APTX: variants seen among roughly 807,000 people sequenced by gnomAD.
APTX encodes the protein aprataxin, also known as forkhead-associated domain histidine triad-like protein.
In APTX, 33 loss-of-function variants were observed where a neutral mutation model predicts 42.3. The observed-to-expected ratio is 0.78, with a 90% confidence interval of 0.59 to 1.04. The LOEUF is 1.04. APTX is among the 50% of genes least tolerant of loss of function. The probability of loss-of-function intolerance (pLI) is 0.00; values close to 1 mark genes in which losing one functional copy is unlikely to be tolerated. For missense variants in APTX, 421 were observed against 415.1 expected (o/e 1.01, Z -0.12); for synonymous variants, 130 against 146.7 (o/e 0.89, Z 0.82).
rs570351758 is a variant in APTX, at chr9:33,022,383, A to G, written c.-5+2640T>C. 9.9e-4 allele frequency among the ~76,000 whole-genome samples: 151 copies of G among 152,368 alleles called. 1 individual carries two copies. Among genetic ancestry groups the G allele is most frequent in the African/African-American group, 3.4e-3 (142 of 41,590 alleles). Reference sequence around the variant, plus strand: ...ATCACTTTTTATCTCCAAGCTTAGCAAAGATTTAACAACAAAAGGCCCTCA... The same window carrying G: ...ATCACTTTTTATCTCCAAGCTTAGCGAAGATTTAACAACAAAAGGCCCTCA... On this transcript the variant is annotated intron_variant, in intron 1 of 6. Coordinates refer to the APTX transcript ENST00000436040.
chr9:32,994,469 C>T (rs117357670), intron 1 of APTX, among the ~76,000 whole-genome samples: 2,839 of 152,268 alleles, frequency 0.019, 52 homozygotes, highest in Non-Finnish European at 0.027. Flanking sequence ...CCTCTCTCTC[C>T]TCTCTTCCCC....
chr9:32,985,985 CCTG>C lies in APTX; in HGVS notation c.526_528del (p.Gln176del). On this transcript the variant is annotated inframe_deletion, in exon 5 of 8. Coordinates refer to ENST00000379817, the MANE Select transcript of APTX (RefSeq NM_001195248.2). The stretch of plus-strand genomic sequence containing the variant: ...TGTATTCTGACCTGCATTTTGGGGT[CCTG>C]CATAGAAATCTTCAAGCCTTGACTC... 1 of 1,603,644 alleles carries C rather than the reference CCTG, an allele frequency of 6.2e-7. No homozygotes were observed.
upstream of APTX, among the ~76,000 whole-genome samples, chr9:33,006,474 C>A (rs562651897): frequency 1.5e-4 from 23 of 152,204 alleles, no homozygotes; most frequent in African/African-American, 5.5e-4. Flanking sequence ...GAGACTCCTG[C>A]TCTAAGGGAA....
chr9:32,988,230 G>A, intron 2 of APTX, 101 bp from the exon 3 acceptor site: 1 of 1,062,098 alleles, frequency 9.4e-7, no homozygotes, highest in Non-Finnish European at 1.5e-6. Flanking sequence ...GGCGGCAGCT[G>A]AACAGGTGGT....
intron 1 of APTX, among the ~76,000 whole-genome samples, chr9:32,994,758 G>C (rs1834431214): frequency 1.3e-5 from 2 of 152,282 alleles, no homozygotes; most frequent in South Asian, 2.1e-4. Context: ...TGCCATCTAG[G>C]ACTTTCACAG....
At chr9:33,019,474 T>C (rs1838185492) in intron 1 of APTX, among the ~76,000 whole-genome samples, 1 of 152,112 alleles carries the variant, frequency 6.6e-6, no homozygotes, top group South Asian at 2.1e-4. Context: ...CCGATAAAAA[T>C]TTTTCTTTTT....
rs762450848 is a variant in APTX, at chr9:32,986,004, G to T, written c.510C>A (p.Gly170=). The T allele has an allele frequency of 3.2e-6, 5 of 1,561,636 alleles. No homozygotes were observed. ...KKESLGHWSQ[G]LKISMQDPKM... ...TGGGGTCCTGCATAGAAATCTTCAA[G>T]CCTTGACTCCAGTGGCCCAGGGATT... The change falls in exon 5 of 8, where the codon GGC becomes GGA. Residue 170 remains glycine, a synonymous_variant. Transcript: ENST00000379817.
rs1828552847 is a variant in APTX at position 32,973,570 on chromosome 9, ACAACGAAGGGGCAGCTT to A, written c.940_956del (p.Lys314SerfsTer2). ...AAGGCAGCAGCTGCTGGCACTCATGACAACGAAGGGGCAGCTTCAAGAGCTCAGGCATCCCATCTCGG... is the reference window on the plus strand; with the variant it reads ...AAGGCAGCAGCTGCTGGCACTCATGACAAGAGCTCAGGCATCCCATCTCGG... On this transcript the variant is annotated frameshift_variant, in exon 8 of 8. Transcript: ENST00000379817. LOFTEE classifies it high-confidence loss of function. 1.9e-6 allele frequency: 3 copies of A among 1,613,926 alleles called. No individual in the cohort carries two copies. The highest frequency in any genetic ancestry group is 2.5e-6 in the Non-Finnish European group (3 of 1,180,020).
At chr9:32,974,652 A>G in intron 6 of APTX, 91 bp from the exon 7 acceptor site, 1 of 724,466 alleles carries the variant, frequency 1.4e-6, no homozygotes, top group Non-Finnish European at 2.5e-6. Flanking sequence ...TTGTATATTC[A>G]TACTATTGAA....
chr9:33,018,729 AT>A, intron 1 of APTX, among the ~76,000 whole-genome samples: 1 of 151,242 alleles, frequency 6.6e-6, no homozygotes, highest in East Asian at 2.0e-4. Context: ...AATACAAAAA[AT>A]TAGCCAGGCG....
At chr9:33,018,402 T>C (rs1838078406) in intron 1 of APTX, among the ~76,000 whole-genome samples, 1 of 151,216 alleles carries the variant, frequency 6.6e-6, no homozygotes, top group Non-Finnish European at 1.5e-5. Flanking sequence ...ACCCCGTCTC[T>C]ACTAAAAATA....
At chr9:33,005,882 C>T (rs1293208162), upstream of APTX, among the ~76,000 whole-genome samples, 1 of 152,172 alleles carries the variant, frequency 6.6e-6, no homozygotes, top group Non-Finnish European at 1.5e-5. Flanking sequence ...ATCATTTAAT[C>T]ATTTATGCAA....
In APTX at chr9:32,972,665, C is replaced by T. The variant is rs2118157662; in HGVS notation, c.*833G>A. 2.3e-6 allele frequency: 1 copy of T among 434,416 alleles called. No individual in the cohort carries two copies. The highest frequency in any genetic ancestry group is 7.4e-4 in the Middle Eastern group (1 of 1,350). The allele number at this position is 434,416 out of a possible 1,614,324, so 26.9% of individuals were successfully genotyped here. ...GGAAAAAGAAAGTAGTGGCTCTACG[C>T]AACTTTTTCATTCACCAACCACCTT... On this transcript the variant is annotated 3_prime_UTR_variant, in exon 8 of 8. Coordinates refer to ENST00000379817, the MANE Select transcript of APTX (RefSeq NM_001195248.2).
intron 1 of APTX, among the ~76,000 whole-genome samples, chr9:33,022,254 C>T (rs576900075): frequency 6.6e-6 from 1 of 152,276 alleles, no homozygotes; most frequent in South Asian, 2.1e-4. Context: ...AGTGGAATTA[C>T]ACCACAGAAA....
At chr9:32,976,558 A>G (rs1829469262) in intron 6 of APTX, among the ~76,000 whole-genome samples, 1 of 152,242 alleles carries the variant, frequency 6.6e-6, no homozygotes, top group Non-Finnish European at 1.5e-5. Flanking sequence ...CTTAAGCTTA[A>G]TATCTGGTCA....
Position 33,001,596 on chromosome 9 carries a change from G to T in APTX, c.-34C>A, listed in dbSNP as rs755324041. 7 of 1,613,936 alleles carry T rather than the reference G, an allele frequency of 4.3e-6. No individual in the cohort carries two copies. Among genetic ancestry groups the T allele is most frequent in the Middle Eastern group, 1.6e-4 (1 of 6,062 alleles). Reference sequence around the variant, plus strand: ...AGAAGTCGGAGACGGACAAATTCACGTTACTCATCTGTGCCTCACCGCTTC... The same window carrying T: ...AGAAGTCGGAGACGGACAAATTCACTTTACTCATCTGTGCCTCACCGCTTC... On this transcript the variant is annotated 5_prime_UTR_variant, in exon 1 of 8. Coordinates refer to ENST00000379817, the MANE Select transcript of APTX (RefSeq NM_001195248.2).
chr9:32,984,330 C>A (rs113242380), intron 6 of APTX, among the ~76,000 whole-genome samples: 79 of 152,280 alleles, frequency 5.2e-4, no homozygotes, highest in African/African-American at 1.8e-3. Context: ...AGCCACTGAC[C>A]ACAATTCTTT....
In APTX at chr9:33,021,061, G is replaced by A. The variant is rs553149343; in HGVS notation, c.-5+3962C>T. Among the ~76,000 whole-genome samples, 8 of 151,804 alleles carry A rather than the reference G, an allele frequency of 5.3e-5. No homozygotes were observed. In the South Asian group the frequency reaches 6.2e-4, roughly 12 times the overall value. ...GGAGAATCGCTTGAACCTGGGAGGC[G>A]GAGGCTGCAGTGAGCCGAGATGGCT... On this transcript the variant is annotated intron_variant, in intron 1 of 6. Coordinates refer to the APTX transcript ENST00000436040.
At chr9:33,021,201 A>G (rs2119322865) in intron 1 of APTX, among the ~76,000 whole-genome samples, 2 of 152,198 alleles carry the variant, frequency 1.3e-5, no homozygotes, top group East Asian at 1.9e-4. Flanking sequence ...GAGGCCATCC[A>G]TGACAGCAAC....
Sources: gnomAD v4.1 joint callset for allele counts (sites outside exome capture counted in the v4.1 genomes callset) on GRCh38, gnomAD v4.1.1 for gene constraint, MANE v1.5 for transcripts, NCBI Gene and HGNC (gene_info 2026-07-23, HGNC 2026-07-21) for gene names.